INPP5A: variants seen among roughly 807,000 people sequenced by gnomAD.
INPP5A encodes inositol polyphosphate-5-phosphatase A.
INPP5A carries 14 observed loss-of-function variants against 65.2 expected under a neutral mutation model. That is an observed-to-expected ratio of 0.21 (90% CI 0.14 to 0.34). INPP5A has a LOEUF of 0.34. Ranked by LOEUF, INPP5A falls within the 10% of genes least tolerant of loss-of-function variation. The pLI is 1.00. For missense variants in INPP5A, 431 were observed against 545.6 expected, an observed-to-expected ratio of 0.79 and a Z score of 2.09; for synonymous variants, 207 against 208.3, an observed-to-expected ratio of 0.99 and a Z score of 0.05.
intron 9 of INPP5A, among the ~76,000 whole-genome samples, chr10:132,734,546 G>A (rs1846143249): frequency 6.6e-6 from 1 of 152,350 alleles, no homozygotes; most frequent in South Asian, 2.1e-4. Flanking sequence ...GAGGTTCTGG[G>A]TGGGTGAGTG....
rs557499247 is a variant in INPP5A at position 132,692,156 on chromosome 10, C to T, written c.370+1701C>T. On this transcript the variant is annotated intron_variant, in intron 5 of 15. Transcript: ENST00000368594. ...GAAAACCTAGAAATCAGAAACAGTA[C>T]CAGAAATGAAGCAGTGGCTCATGTG... Among the ~76,000 whole-genome samples the T allele has an allele frequency of 1.1e-3, 163 of 152,142 alleles. 2 individuals carry two copies. Among genetic ancestry groups the T allele is most frequent in the African/African-American group, 3.8e-3 (159 of 41,470 alleles).
chr10:132,689,432 C>T (rs934983116), intron 4 of INPP5A, among the ~76,000 whole-genome samples: 11 of 152,198 alleles, frequency 7.2e-5, no homozygotes, highest in Admixed American at 5.2e-4. Flanking sequence ...ACAGCTATCT[C>T]CTATGAGATA....
intron 2 of INPP5A, among the ~76,000 whole-genome samples, chr10:132,624,495 CCCACCGGCGTGTCTGCACTT>C (rs1195688979): frequency 0.037 from 4,954 of 132,804 alleles, 144 homozygotes; most frequent in East Asian, 0.16. Flanking sequence ...GTCTGCACTT[CCCACCGGCGTGTCTGCACTT>C]CCACCGGCGT....
At position 132,629,742 on chromosome 10, in the gene INPP5A, C is replaced by T. The variant is rs115639481; in HGVS notation, c.118-16126C>T. ...GGTATCCACAAGGGAATGGCATCCA[C>T]GATGGCCAGGTGGCCTCCGGGGAAG... On this transcript the variant is annotated intron_variant, in intron 2 of 15. Transcript: ENST00000368594. 9.9e-3 allele frequency among the ~76,000 whole-genome samples: 1,506 copies of T among 152,280 alleles called. 11 individuals carry two copies. The highest frequency in any genetic ancestry group is 0.014 in the Non-Finnish European group (960 of 68,008).
intron 14 of INPP5A, 41 bp from the exon 15 acceptor site, chr10:132,781,820 C>G: frequency 6.5e-7 from 1 of 1,533,834 alleles, no homozygotes; most frequent in South Asian, 1.1e-5. Context: ...TGTGCTGTCC[C>G]GCGTGCGCCG....
chr10:132,734,713 G>T (rs965576121), intron 9 of INPP5A, among the ~76,000 whole-genome samples: 4 of 152,226 alleles, frequency 2.6e-5, no homozygotes, highest in African/African-American at 9.6e-5. Context: ...TTTGCCTGGC[G>T]GCTGCCTCCC....
intron 1 of INPP5A, among the ~76,000 whole-genome samples, chr10:132,568,757 CAAACA>C (rs112407064): frequency 5.3e-5 from 8 of 151,742 alleles, no homozygotes; most frequent in African/African-American, 1.2e-4. Context: ...AACTCTGTCT[CAAACA>C]AAACAAAACA....
chr10:132,759,717 C>T (rs1196569181), intron 11 of INPP5A, among the ~76,000 whole-genome samples: 2 of 152,016 alleles, frequency 1.3e-5, no homozygotes, highest in African/African-American at 2.4e-5. Context: ...CCTCCTCACC[C>T]TGCAGGAGCC....
chr10:132,686,214 A>T (rs12770172), intron 4 of INPP5A, among the ~76,000 whole-genome samples: 1 of 152,138 alleles, frequency 6.6e-6, no homozygotes, highest in Non-Finnish European at 1.5e-5. Context: ...GGCTTTGTCC[A>T]GTGGAGGCCG....
intron 4 of INPP5A, among the ~76,000 whole-genome samples, chr10:132,656,906 T>C (rs993342628): frequency 2.0e-5 from 3 of 152,164 alleles, no homozygotes; most frequent in Non-Finnish European, 4.4e-5. Flanking sequence ...TGGGACCCCA[T>C]GTGCCAGGAG....
At chr10:132,733,754 C>T (rs1846127691) in intron 9 of INPP5A, among the ~76,000 whole-genome samples, 1 of 152,188 alleles carries the variant, frequency 6.6e-6, no homozygotes, top group African/African-American at 2.4e-5. Flanking sequence ...TGATATTGGC[C>T]TCCCTCCGTG....
intron 7 of INPP5A, among the ~76,000 whole-genome samples, chr10:132,709,170 G>C (rs969985194): frequency 6.6e-6 from 1 of 150,836 alleles, no homozygotes; most frequent in African/African-American, 2.4e-5. Flanking sequence ...GCTGTGGGCA[G>C]GGGTTTCTGC....
intron 9 of INPP5A, among the ~76,000 whole-genome samples, chr10:132,728,861 C>T (rs1310430018): frequency 6.6e-6 from 1 of 152,160 alleles, no homozygotes; most frequent in Non-Finnish European, 1.5e-5. Context: ...AGCTGCTGAG[C>T]CCGGTGGCCG....
intron 5 of INPP5A, among the ~76,000 whole-genome samples, chr10:132,692,007 C>T (rs1196786773): frequency 6.6e-6 from 1 of 152,162 alleles, no homozygotes; most frequent in African/African-American, 2.4e-5. Flanking sequence ...TCTCAGTGCC[C>T]CACACGGCAG....
At chr10:132,684,206 A>T (rs1253986211) in intron 4 of INPP5A, among the ~76,000 whole-genome samples, 2 of 152,096 alleles carry the variant, frequency 1.3e-5, no homozygotes, top group African/African-American at 4.8e-5. Context: ...TGGTTCTATC[A>T]TAGGAATATT....
chr10:132,595,750 AT>A (rs1472792098), intron 1 of INPP5A, among the ~76,000 whole-genome samples: 1 of 151,952 alleles, frequency 6.6e-6, no homozygotes, highest in African/African-American at 2.4e-5. Context: ...CTTCTGTAAT[AT>A]TTTTCTGCAG....
rs1845510409 is a variant in INPP5A at position 132,704,939 on chromosome 10, G to T, written c.475-3374G>T. Reference sequence around the variant, plus strand: ...GGACAGGCGGCAGGCAGCTCCTCTGGAGTGTGGAGGATGGAGGAAGGGCGT... The same window carrying T: ...GGACAGGCGGCAGGCAGCTCCTCTGTAGTGTGGAGGATGGAGGAAGGGCGT... On this transcript the variant is annotated intron_variant, in intron 6 of 15. Coordinates refer to ENST00000368594, the MANE Select transcript of INPP5A (RefSeq NM_005539.5). The surrounding 1 kb of genome is among the most constrained non-coding windows in gnomAD (Gnocchi z 4.5). Among the ~76,000 whole-genome samples the T allele has an allele frequency of 6.7e-6, 1 of 148,536 alleles. No individual in the cohort carries two copies. Among genetic ancestry groups the T allele is most frequent in the Non-Finnish European group, 1.5e-5 (1 of 66,816 alleles).
intron 11 of INPP5A, among the ~76,000 whole-genome samples, chr10:132,755,284 CGT>C (rs756434243): frequency 2.8e-4 from 40 of 142,274 alleles, no homozygotes; most frequent in Admixed American, 1.4e-3. Flanking sequence ...CCTTCATGAG[CGT>C]GTGTGTGAGC....
chr10:132,712,075 AT>A (rs1239632357), intron 8 of INPP5A, among the ~76,000 whole-genome samples: 1 of 152,174 alleles, frequency 6.6e-6, no homozygotes, highest in African/African-American at 2.4e-5. Context: ...TGTGGAGCAC[AT>A]TTCTACCCAA....
Sources: allele counts gnomAD v4.1 joint callset (sites outside exome capture counted in the v4.1 genomes callset), GRCh38; gene constraint gnomAD v4.1.1; non-coding constraint Gnocchi (gnomAD v3.1); transcripts MANE v1.5; gene names NCBI Gene and HGNC (gene_info 2026-07-23, HGNC 2026-07-21).